FSIP2: variants seen among roughly 807,000 people sequenced by gnomAD.
FSIP2 encodes the protein fibrous sheath-interacting protein 2.
In FSIP2, 367 loss-of-function variants were observed where a neutral mutation model predicts 510.5. The ratio of observed to expected loss-of-function variants is 0.72; its 90% confidence interval spans 0.66 to 0.78. The LOEUF is 0.78. Ranked by LOEUF, FSIP2 falls within the 30% of genes least tolerant of loss-of-function variation. The probability of loss-of-function intolerance (pLI) is 0.00; values close to 1 mark genes in which losing one functional copy is unlikely to be tolerated. For missense variants in FSIP2, 7,594 were observed against 7,901.7 expected (o/e 0.96, Z 1.48); for synonymous variants, 2,601 against 2,732.2 (o/e 0.95, Z 1.50).
Position 185,807,368 on chromosome 2 carries a change from T to C in FSIP2, c.18062T>C (p.Phe6021Ser). ...KFLENVISAL[F>S]SKIFSTISST... ...TTGGAGAATGTGATTTCTGCTCTTTTCTCCAAAATTTTCTCAACAATATCC... is the reference window on the plus strand; with the variant it reads ...TTGGAGAATGTGATTTCTGCTCTTTCCTCCAAAATTTTCTCAACAATATCC... Residue 6021 changes from phenylalanine (F) to serine (S), a missense_variant, in exon 17 of 23, where the codon TTC becomes TCC. Phe to Ser is a radical substitution (Grantham distance 155). Transcript: ENST00000424728. 6.2e-7 allele frequency: 1 copy of C among 1,609,202 alleles called. No homozygotes were observed. Among genetic ancestry groups the C allele is most frequent in the Non-Finnish European group, 8.5e-7 (1 of 1,178,468 alleles).
Position 185,795,838 on chromosome 2 carries a change from G to GATTTTATA in FSIP2, c.8703_8704insTTTTATAA (p.Ala2902PhefsTer95). 1 of 1,532,914 alleles carries GATTTTATA rather than the reference G, an allele frequency of 6.5e-7. No individual in the cohort carries two copies. The highest frequency in any genetic ancestry group is 1.2e-5 in the South Asian group (1 of 83,394). 95.0% of individuals were successfully genotyped at this position (1,532,914 alleles called of 1,614,324 possible). ...AGCAGGTTTTATAATCATTTTAAAG[G>GATTTTATA]AGCTTCTACTAGAGCCGAGGATACT... On this transcript the variant is annotated frameshift_variant, in exon 16 of 23. Coordinates refer to ENST00000424728, the MANE Select transcript of FSIP2 (RefSeq NM_173651.4). LOFTEE classifies it high-confidence loss of function.
At position 185,805,680 on chromosome 2, in the gene FSIP2, G is replaced by A; in HGVS notation, c.16374G>A (p.Met5458Ile). The A allele has an allele frequency of 5.6e-6, 9 of 1,610,806 alleles. No individual in the cohort carries two copies. Among genetic ancestry groups the A allele is most frequent in the Non-Finnish European group, 7.6e-6 (9 of 1,178,494 alleles). Residue 5458 changes from methionine to isoleucine, a missense_variant, in exon 17 of 23, where the codon ATG (methionine) becomes ATA (isoleucine). By Grantham distance (10) the Met-to-Ile change is conservative. Transcript: ENST00000424728. The stretch of plus-strand genomic sequence containing the variant: ...CTTCCACCCCAGATTGCAAAAACAT[G>A]ATGAGCACTTTGGAAATAAATAGAG... ...DTSSTPDCKN[M>I]MSTLEINRGT...
At chr2:185,766,920 A>C (rs879622592) in intron 13 of FSIP2, among the ~76,000 whole-genome samples, 931 of 103,990 alleles carry the variant, frequency 9.0e-3, no homozygotes, top group South Asian at 0.014. Context: ...AACCAACCCA[A>C]ATGTCCAACA....
Position 185,802,025 on chromosome 2 carries a change from C to A in FSIP2, c.12719C>A (p.Pro4240Gln), listed in dbSNP as rs1693451253. The part of the protein sequence containing the change: ...SIQKSIVSRS[P>Q]IMIDQIASFI... Reference sequence around the variant, plus strand: ...CAAAAAAGTATAGTAAGCCGAAGCCCAATTATGATTGACCAAATAGCCAGC... The same window carrying A: ...CAAAAAAGTATAGTAAGCCGAAGCCAAATTATGATTGACCAAATAGCCAGC... Residue 4240 changes from proline to glutamine, a missense_variant, in exon 17 of 23, where the codon CCA (proline) becomes CAA (glutamine). Physicochemically the swap from Pro to Gln is moderately conservative, Grantham distance 76 (BLOSUM62 -1). Coordinates refer to ENST00000424728, the MANE Select transcript of FSIP2 (RefSeq NM_173651.4). The A allele has an allele frequency of 1.3e-6, 2 of 1,530,224 alleles. No homozygotes were observed. Among genetic ancestry groups the A allele is most frequent in the Non-Finnish European group, 1.7e-6 (2 of 1,144,178 alleles). 94.8% of individuals were successfully genotyped at this position (1,530,224 alleles called of 1,614,324 possible).
rs1693133368 is a variant in FSIP2 at position 185,791,674 on chromosome 2, C to G, written c.4538C>G (p.Ser1513Ter). ...SFASCGLKAISESLDIDNPSF... is the reference protein window; with the variant it reads ...SFASCGLKAI ...GCAAGTTGTGGATTAAAAGCTATCT[C>G]AGAGTCTCTTGACATTGACAACCCA... Residue 1513 changes from serine to a stop codon, truncating the protein, a stop_gained, in exon 16 of 23, where the codon TCA (serine) becomes TGA (stop). Coordinates refer to ENST00000424728, the MANE Select transcript of FSIP2 (RefSeq NM_173651.4). LOFTEE classifies it high-confidence loss of function. The G allele has an allele frequency of 6.5e-7, 1 of 1,534,080 alleles. No homozygotes were observed. Among genetic ancestry groups the G allele is most frequent in the Non-Finnish European group, 8.7e-7 (1 of 1,145,586 alleles).
intron 8 of FSIP2, among the ~76,000 whole-genome samples, chr2:185,755,912 A>G (rs1197256997): frequency 6.6e-6 from 1 of 151,594 alleles, no homozygotes; most frequent in African/African-American, 2.4e-5. Context: ...ACCCAGATGG[A>G]AAATGACATG....
intron 3 of FSIP2, among the ~76,000 whole-genome samples, chr2:185,743,885 A>G (rs932299438): frequency 2.6e-5 from 4 of 152,196 alleles, no homozygotes; most frequent in Non-Finnish European, 5.9e-5. Context: ...CCTACACAGG[A>G]GTGCAATGGC....
chr2:185,804,876 G>A lies in FSIP2; in HGVS notation c.15570G>A (p.Leu5190=). The A allele has an allele frequency of 1.3e-6, 2 of 1,522,896 alleles. No homozygotes were observed. Among genetic ancestry groups the A allele is most frequent in the Non-Finnish European group, 1.8e-6 (2 of 1,141,644 alleles). The allele number at this position is 1,522,896 out of a possible 1,614,324, so 94.3% of individuals were successfully genotyped here. The change falls in exon 17 of 23, where the codon TTG becomes TTA. Residue 5190 remains leucine (L), a synonymous_variant. Coordinates refer to ENST00000424728, the MANE Select transcript of FSIP2 (RefSeq NM_173651.4). ...TGCAGTTAGAACCTATTGAAAATTT[G>A]GTCGACTCCATATGTAATAATATTT... ...ESMQLEPIEN[L]VDSICNNILK...
At chr2:185,788,581 T>A in intron 15 of FSIP2, 62 bp from the exon 16 acceptor site, 1 of 1,192,254 alleles carries the variant, frequency 8.4e-7, no homozygotes, top group Non-Finnish European at 1.1e-6. Context: ...ACCTTCTGTC[T>A]CCAAAACATA....
chr2:185,738,688 C>G, upstream of FSIP2: 1 of 1,536,028 alleles, frequency 6.5e-7, no homozygotes, highest in Non-Finnish European at 8.7e-7. Flanking sequence ...CCCAGCTCTG[C>G]GGGCGCTCTA....
Position 185,794,725 on chromosome 2 carries a change from G to C in FSIP2, c.7589G>C (p.Ser2530Thr), listed in dbSNP as rs752627704. ...ACATCAGACACAACACAGAAAAACAGTTTTCAATCACATATTAACAGTGTA... is the reference window on the plus strand; with the variant it reads ...ACATCAGACACAACACAGAAAAACACTTTTCAATCACATATTAACAGTGTA... ...IKTSDTTQKNSFQSHINSVAN... is the reference protein window; with the variant it reads ...IKTSDTTQKNTFQSHINSVAN... Residue 2530 changes from serine to threonine, a missense_variant, in exon 16 of 23, where the codon AGT becomes ACT. Coordinates refer to ENST00000424728, the MANE Select transcript of FSIP2 (RefSeq NM_173651.4). 4 of 1,533,990 alleles carry C rather than the reference G, an allele frequency of 2.6e-6. No individual in the cohort carries two copies. In the South Asian group the frequency reaches 4.8e-5, roughly 18 times the overall value.
chr2:185,761,835 A>G, intron 10 of FSIP2, 137 bp from the exon 11 acceptor site: 1 of 492,176 alleles, frequency 2.0e-6, no homozygotes, highest in African/African-American at 2.0e-5. Context: ...TATGTATTTT[A>G]CCTAAACAGT....
rs780562426 is a variant in FSIP2 at position 185,815,388 on chromosome 2, T to C, written c.20343T>C (p.Leu6781=). 2.0e-6 allele frequency: 3 copies of C among 1,484,566 alleles called. No individual in the cohort carries two copies. The highest frequency in any genetic ancestry group is 1.9e-5 in the Admixed American group (1 of 53,094). The allele number at this position is 1,484,566 out of a possible 1,614,324, so 92.0% of individuals were successfully genotyped here. ...TTTTCCAGAAAGAAGAAAAGAATCT[T>C]GTTACTGAACCAACACATTACTTCA... ...KPQCKKEEKN[L]VTEPTHYFIH... The change falls in exon 19 of 23, where the codon CTT becomes CTC. Residue 6781 remains leucine (L), a synonymous_variant. Coordinates refer to ENST00000424728, the MANE Select transcript of FSIP2 (RefSeq NM_173651.4).
Position 185,794,045 on chromosome 2 carries a change from C to A in FSIP2, c.6909C>A (p.Ser2303Arg). Reference protein sequence around the residue: ...KQNDSIFYDSSQVESDVNVLK... With the variant: ...KQNDSIFYDSRQVESDVNVLK... ...ATGACAGCATCTTTTATGATTCAAGCCAAGTGGAATCAGATGTAAATGTCC... is the reference window on the plus strand; with the variant it reads ...ATGACAGCATCTTTTATGATTCAAGACAAGTGGAATCAGATGTAAATGTCC... The change falls in exon 16 of 23, where the codon AGC (serine) becomes AGA (arginine). Residue 2303 changes from serine to arginine, a missense_variant. Transcript: ENST00000424728. 1.3e-6 allele frequency: 2 copies of A among 1,533,498 alleles called. No individual in the cohort carries two copies. The highest frequency in any genetic ancestry group is 1.7e-6 in the Non-Finnish European group (2 of 1,145,118). 95.0% of individuals were successfully genotyped at this position (1,533,498 alleles called of 1,614,324 possible).
In FSIP2 at chr2:185,802,367, T is replaced by C; in HGVS notation, c.13061T>C (p.Leu4354Pro). The C allele has an allele frequency of 1.3e-6, 2 of 1,532,850 alleles. No homozygotes were observed. Among genetic ancestry groups the C allele is most frequent in the Non-Finnish European group, 1.7e-6 (2 of 1,145,070 alleles). 95.0% of individuals were successfully genotyped at this position (1,532,850 alleles called of 1,614,324 possible). Residue 4354 changes from leucine to proline, a missense_variant, in exon 17 of 23, where the codon CTC (leucine) becomes CCC (proline). Leu to Pro is a moderately conservative substitution (Grantham distance 98, BLOSUM62 -3). Transcript: ENST00000424728. ...TTCAATAAAGCTAAAATTCACATTC[T>C]CTATGATGACAAAGAACAGGCTTTC... The part of the protein sequence containing the change: ...RHFNKAKIHI[L>P]YDDKEQAFFS...
rs1407729129 is a variant in FSIP2, at chr2:185,790,367, T to C, written c.3231T>C (p.His1077=). 6.5e-7 allele frequency: 1 copy of C among 1,529,844 alleles called. No homozygotes were observed. The highest frequency in any genetic ancestry group is 1.2e-5 in the South Asian group (1 of 82,728). The allele number at this position is 1,529,844 out of a possible 1,614,324, so 94.8% of individuals were successfully genotyped here. ...ELKTEPPSTN[H]EDILKKKLSS... The stretch of plus-strand genomic sequence containing the variant: ...AGACTGAGCCACCATCTACTAATCA[T>C]GAAGATATTTTAAAGAAAAAACTTT... Residue 1077 remains histidine, a synonymous_variant, in exon 16 of 23, where the codon CAT becomes CAC. Transcript: ENST00000424728.
chr2:185,754,804 T>A (rs1360303196), intron 8 of FSIP2, among the ~76,000 whole-genome samples: 1 of 151,532 alleles, frequency 6.6e-6, no homozygotes, highest in Non-Finnish European at 1.5e-5. Flanking sequence ...CCAATCCTGT[T>A]TCATCATTTT....
In FSIP2 at chr2:185,796,473, A is replaced by C; in HGVS notation, c.9337A>C (p.Lys3113Gln). Residue 3113 changes from lysine to glutamine, a missense_variant, in exon 16 of 23, where the codon AAA (lysine) becomes CAA (glutamine). Lys to Gln is a moderately conservative substitution (Grantham distance 53). Transcript: ENST00000424728. ...QMEPSSISILKENIVASEIIG... is the reference protein window; with the variant it reads ...QMEPSSISILQENIVASEIIG... ...GGAACCATCTTCAATTAGCATATTG[A>C]AAGAGAACATTGTAGCAAGTGAGAT... 6.5e-7 allele frequency: 1 copy of C among 1,535,116 alleles called. No individual in the cohort carries two copies. Among genetic ancestry groups the C allele is most frequent in the East Asian group, 2.4e-5 (1 of 40,842 alleles).
Position 185,790,850 on chromosome 2 carries a change from T to C in FSIP2, c.3714T>C (p.Val1238=), listed in dbSNP as rs1396641381. The C allele has an allele frequency of 6.5e-7, 1 of 1,533,172 alleles. No individual in the cohort carries two copies. Among genetic ancestry groups the C allele is most frequent in the Non-Finnish European group, 8.7e-7 (1 of 1,145,004 alleles). The allele number at this position is 1,533,172 out of a possible 1,614,324, so 95.0% of individuals were successfully genotyped here. Residue 1238 remains valine (V), a synonymous_variant, in exon 16 of 23, where the codon GTT becomes GTC. Transcript: ENST00000424728. The part of the protein sequence containing the change: ...KKMKYLSLFD[V]DPEKPPWLKS... ...TGAAATATTTATCTTTATTTGACGT[T>C]GATCCTGAAAAGCCTCCCTGGTTAA...
Sources: allele counts gnomAD v4.1 joint callset (sites outside exome capture counted in the v4.1 genomes callset), GRCh38; gene constraint gnomAD v4.1.1; transcripts MANE v1.5; gene names NCBI Gene and HGNC (gene_info 2026-07-23, HGNC 2026-07-21).